The following OXR1 variants were observed in gnomAD, a reference collection of about 807,000 sequenced individuals.
OXR1 encodes the protein oxidation resistance protein 1.
Under a neutral mutation model 104.6 loss-of-function variants are expected in OXR1, and 41 were observed. The observed-to-expected ratio is 0.39, with a 90% confidence interval of 0.31 to 0.51. The LOEUF (loss-of-function observed/expected upper bound fraction) is 0.51. Ranked by LOEUF, OXR1 falls within the 20% of genes least tolerant of loss-of-function variation. The probability of loss-of-function intolerance (pLI) is 0.77; values close to 1 mark genes in which losing one functional copy is unlikely to be tolerated. For synonymous variants in OXR1, 348 were observed against 348.4 expected (o/e 1.00, Z 0.01); for missense variants, 955 against 1,031.9 (o/e 0.93, Z 1.02).
chr8:106,581,153 C>T (rs988476333), intron 3 of OXR1: 62 of 1,268,756 alleles, frequency 4.9e-5, no homozygotes, highest in South Asian at 5.2e-5. Context: ...GGAAATAATC[C>T]GGTGAAATAG....
At chr8:106,600,774 T>C (rs1819912772) in intron 3 of OXR1, among the ~76,000 whole-genome samples, 1 of 152,164 alleles carries the variant, frequency 6.6e-6, no homozygotes, top group Admixed American at 6.6e-5. Context: ...TATAGGCTGA[T>C]CTCAGAAGGG....
chr8:106,284,590 G>T (rs181038514), intron 1 of OXR1, among the ~76,000 whole-genome samples: 2 of 152,186 alleles, frequency 1.3e-5, no homozygotes, highest in East Asian at 3.9e-4. Flanking sequence ...TAAACATAAT[G>T]GACATGATAC....
intron 3 of OXR1, among the ~76,000 whole-genome samples, chr8:106,553,752 C>T (rs1816054610): frequency 6.6e-6 from 1 of 152,202 alleles, no homozygotes; most frequent in South Asian, 2.1e-4. Flanking sequence ...AACTTCACTT[C>T]TTGCCTCCAG....
intron 2 of OXR1, among the ~76,000 whole-genome samples, chr8:106,517,735 A>G (rs7819358): frequency 0.37 from 55,673 of 152,036 alleles, 11,953 homozygotes; most frequent in African/African-American, 0.6. Flanking sequence ...CTTGTTGCCA[A>G]TCTGAGTTAC....
chr8:106,450,512 G>A (rs1820251410), intron 2 of OXR1, among the ~76,000 whole-genome samples: 1 of 152,148 alleles, frequency 6.6e-6, no homozygotes, highest in African/African-American at 2.4e-5. Context: ...TACGAAGCAG[G>A]AAAAGAGAGG....
Position 106,752,324 on chromosome 8 carries a change from G to A in OXR1, c.*1383G>A, listed in dbSNP as rs1835936917. 1 of 152,530 alleles carries A rather than the reference G, an allele frequency of 6.6e-6. No homozygotes were observed. Among genetic ancestry groups the A allele is most frequent in the African/African-American group, 2.4e-5 (1 of 41,456 alleles). 9.4% of individuals were successfully genotyped at this position (152,530 alleles called of 1,614,324 possible). On this transcript the variant is annotated 3_prime_UTR_variant, in exon 17 of 17. Coordinates refer to ENST00000517566, the MANE Select transcript of OXR1 (RefSeq NM_001198533.2). ...ATTATAAGCCAAATATTTGGCTTAA[G>A]TAGATTTAGTTGTATAGCACTTACA...
At chr8:106,641,205 T>C (rs1823599911) in intron 3 of OXR1, among the ~76,000 whole-genome samples, 1 of 152,234 alleles carries the variant, frequency 6.6e-6, no homozygotes, top group Non-Finnish European at 1.5e-5. Flanking sequence ...TTCCCAGATT[T>C]TTCTGTGCCA....
At chr8:106,298,122 T>C (rs1190591224) in intron 1 of OXR1, among the ~76,000 whole-genome samples, 1 of 152,228 alleles carries the variant, frequency 6.6e-6, no homozygotes, top group East Asian at 1.9e-4. Flanking sequence ...TTCTGCTTAT[T>C]TATGCATAAC....
At chr8:106,689,386 G>A (rs956774198) in intron 6 of OXR1, among the ~76,000 whole-genome samples, 1 of 151,950 alleles carries the variant, frequency 6.6e-6, no homozygotes, top group African/African-American at 2.4e-5. Flanking sequence ...ACTCATGTAT[G>A]ACCTTACCTT....
chr8:106,414,781 G>A (rs1230315264), intron 2 of OXR1, among the ~76,000 whole-genome samples: 1 of 152,108 alleles, frequency 6.6e-6, no homozygotes, highest in East Asian at 1.9e-4. Context: ...AGACTGGAAA[G>A]GAAGGTTAGC....
At chr8:106,346,414 C>A (rs1426598856) in intron 1 of OXR1, among the ~76,000 whole-genome samples, 1 of 152,008 alleles carries the variant, frequency 6.6e-6, no homozygotes, top group African/African-American at 2.4e-5. Flanking sequence ...AAAAAGGAAG[C>A]ATTCAGTCAT....
chr8:106,693,467 T>C (rs1829520408), intron 7 of OXR1, among the ~76,000 whole-genome samples: 1 of 145,548 alleles, frequency 6.9e-6, no homozygotes, highest in Middle Eastern at 3.2e-3. Context: ...TTCGCTCTTA[T>C]CAGCCAGGCT....
chr8:106,724,650 C>A (rs1397285274), intron 11 of OXR1, among the ~76,000 whole-genome samples: 2 of 152,110 alleles, frequency 1.3e-5, no homozygotes, highest in Non-Finnish European at 2.9e-5. Flanking sequence ...AACAAATACT[C>A]CAGGTGATAT....
intron 1 of OXR1, among the ~76,000 whole-genome samples, chr8:106,330,735 A>G (rs1322531487): frequency 6.6e-6 from 1 of 152,130 alleles, no homozygotes; most frequent in African/African-American, 2.4e-5. Flanking sequence ...ACTAATATTG[A>G]GGGTATTGGG....
intron 1 of OXR1, among the ~76,000 whole-genome samples, chr8:106,311,522 A>G (rs897669401): frequency 6.6e-6 from 1 of 152,128 alleles, no homozygotes; most frequent in African/African-American, 2.4e-5. Flanking sequence ...GTGTTAATTT[A>G]CTCAGAAAGG....
chr8:106,413,726 T>A lies in OXR1; in HGVS notation c.23+54090T>A, dbSNP rs1211396306. Among the ~76,000 whole-genome samples, 161 of 59,250 alleles carry A rather than the reference T, an allele frequency of 2.7e-3. No homozygotes were observed. In the East Asian group the frequency reaches 0.06, roughly 22 times the overall value. 38.9% of individuals were successfully genotyped at this position (59,250 alleles called of 152,430 possible). A position where few individuals can be genotyped will look rare whatever the true frequency, so the allele number is the denominator to read the frequency against. On this transcript the variant is annotated intron_variant, in intron 2 of 16. Coordinates refer to ENST00000517566, the MANE Select transcript of OXR1 (RefSeq NM_001198533.2). ...ATATATAGCTAATGCTGTATCTACT[T>A]TTTTTTTTTTTTTTTGAGACAAAGT... is the stretch of plus-strand genomic sequence containing the variant.
intron 3 of OXR1, among the ~76,000 whole-genome samples, chr8:106,540,890 T>TC (rs1440279590): frequency 5.9e-5 from 9 of 152,118 alleles, no homozygotes; most frequent in Non-Finnish European, 1.3e-4. Context: ...CATAATTCAA[T>TC]CACCTCCCAC....
intron 3 of OXR1, among the ~76,000 whole-genome samples, chr8:106,662,999 G>A (rs540631731): frequency 6.6e-6 from 1 of 152,074 alleles, no homozygotes; most frequent in Non-Finnish European, 1.5e-5. Context: ...GAGCATTTTG[G>A]ATGTTTGGAT....
chr8:106,742,528 C>T (rs1354870357), intron 15 of OXR1: 3 of 414,684 alleles, frequency 7.2e-6, no homozygotes, highest in East Asian at 4.5e-5. Flanking sequence ...GGAGGCATCA[C>T]GTTACGTGAC....
Sources: allele counts gnomAD v4.1 joint callset (sites outside exome capture counted in the v4.1 genomes callset), GRCh38; gene constraint gnomAD v4.1.1; transcripts MANE v1.5; gene names NCBI Gene and HGNC (gene_info 2026-07-23, HGNC 2026-07-21).